Variants in CEP128 observed in about 807,000 individuals in gnomAD.
CEP128 encodes the protein centrosomal protein 128.
In CEP128, 132 loss-of-function variants were observed where a neutral mutation model predicts 156.7. That is an observed-to-expected ratio of 0.84 (90% CI 0.73 to 0.97). The LOEUF (loss-of-function observed/expected upper bound fraction) is 0.97. Among genes scored for constraint, CEP128 ranks in the 50% least tolerant of loss-of-function variants. The pLI is 0.00. For synonymous variants in CEP128, 469 were observed against 448.9 expected (o/e 1.04, Z -0.57); for missense variants, 1,252 against 1,281.9 (o/e 0.98, Z 0.36).
intron 8 of CEP128, among the ~76,000 whole-genome samples, chr14:80,870,420 T>A (rs1887969391): frequency 6.6e-6 from 1 of 152,062 alleles, no homozygotes; most frequent in African/African-American, 2.4e-5. Context: ...ACTTAGTATT[T>A]ATCCCCAGAA....
chr14:80,639,228 A>C (rs1894312570), intron 19 of CEP128, among the ~76,000 whole-genome samples: 1 of 152,236 alleles, frequency 6.6e-6, no homozygotes, highest in African/African-American at 2.4e-5. Flanking sequence ...ATTATACAAA[A>C]ATAATTCAGA....
intron 19 of CEP128, among the ~76,000 whole-genome samples, chr14:80,716,847 C>CAGA (rs1255646139): frequency 6.6e-6 from 1 of 152,156 alleles, no homozygotes; most frequent in Non-Finnish European, 1.5e-5. Flanking sequence ...ATATTCTCAC[C>CAGA]AGAAGTGTAT....
intron 8 of CEP128, among the ~76,000 whole-genome samples, chr14:80,876,806 A>G (rs1888306537): frequency 6.6e-6 from 1 of 152,214 alleles, no homozygotes; most frequent in African/African-American, 2.4e-5. Flanking sequence ...CACACGCTCT[A>G]AAGGAAATTC....
At chr14:80,920,274 C>T (rs1884783650) in intron 2 of CEP128, among the ~76,000 whole-genome samples, 1 of 152,118 alleles carries the variant, frequency 6.6e-6, no homozygotes, top group Non-Finnish European at 1.5e-5. Context: ...CATCAGCCAA[C>T]ACCACTACAA....
intron 2 of CEP128, among the ~76,000 whole-genome samples, chr14:80,946,791 G>A (rs1433714451): frequency 6.6e-6 from 1 of 152,154 alleles, no homozygotes; most frequent in African/African-American, 2.4e-5. Context: ...AACAACAACA[G>A]CTGATATGGC....
At chr14:80,520,430 A>AAACT (rs1888686015) in intron 23 of CEP128, among the ~76,000 whole-genome samples, 1 of 94,880 alleles carries the variant, frequency 1.1e-5, no homozygotes, top group East Asian at 3.6e-4. Flanking sequence ...AAAAACAAAC[A>AAACT]AACAAACAAA....
intron 21 of CEP128, among the ~76,000 whole-genome samples, chr14:80,554,742 G>GT (rs1890357481): frequency 6.6e-6 from 1 of 151,274 alleles, no homozygotes; most frequent in Non-Finnish European, 1.5e-5. Flanking sequence ...ATTATGATTC[G>GT]TTGGTCAAAT....
intron 3 of CEP128, 54 bp downstream of exon 3, chr14:80,916,347 T>C (rs1884552737): frequency 7.0e-7 from 1 of 1,428,316 alleles, no homozygotes; most frequent in African/African-American, 1.4e-5. Context: ...ACTGAAACTA[T>C]TAAGCAGCTC....
intron 19 of CEP128, among the ~76,000 whole-genome samples, chr14:80,679,696 C>A (rs886065903): frequency 9.2e-5 from 14 of 152,038 alleles, no homozygotes; most frequent in Admixed American, 3.3e-4. Context: ...TGCCTTGTGA[C>A]TTTATTGGCC....
At chr14:80,638,571 C>T (rs767813317) in intron 19 of CEP128, among the ~76,000 whole-genome samples, 10 of 152,168 alleles carry the variant, frequency 6.6e-5, no homozygotes, top group Admixed American at 4.6e-4. Context: ...TACTTTCTTA[C>T]CGTACTGTAT....
chr14:80,544,682 T>A (rs1889907592), intron 21 of CEP128, among the ~76,000 whole-genome samples: 1 of 152,190 alleles, frequency 6.6e-6, no homozygotes, highest in Non-Finnish European at 1.5e-5. Context: ...GATTATTTAG[T>A]TCTTTGATTC....
chr14:80,491,990 A>G (rs186463887), downstream of CEP128, among the ~76,000 whole-genome samples: 21 of 152,324 alleles, frequency 1.4e-4, no homozygotes, highest in Admixed American at 8.5e-4. Flanking sequence ...GCAACAATGG[A>G]CAAACAAAAT....
At chr14:80,571,926 C>T (rs968909348) in intron 20 of CEP128, among the ~76,000 whole-genome samples, 4 of 152,146 alleles carry the variant, frequency 2.6e-5, no homozygotes, top group African/African-American at 9.7e-5. Flanking sequence ...TGAGTCTCAG[C>T]GACATTATCC....
intron 10 of CEP128, among the ~76,000 whole-genome samples, chr14:80,838,989 C>G (rs1002273391): frequency 3.9e-5 from 6 of 152,142 alleles, no homozygotes; most frequent in African/African-American, 1.4e-4. Context: ...ATCCCAGCTA[C>G]TCGGGAGGCT....
intron 16 of CEP128, among the ~76,000 whole-genome samples, chr14:80,770,959 CTT>C (rs1284870306): frequency 2.0e-5 from 3 of 152,136 alleles, no homozygotes; most frequent in African/African-American, 7.2e-5. Context: ...GACAATGTGA[CTT>C]TGCAAAGTAG....
intron 18 of CEP128, among the ~76,000 whole-genome samples, chr14:80,748,595 C>T (rs904613049): frequency 1.3e-5 from 2 of 152,140 alleles, no homozygotes; most frequent in Admixed American, 1.3e-4. Flanking sequence ...GATACTTCCT[C>T]ACATGTTATG....
rs574593183 is a variant in CEP128, at chr14:80,709,527, T to C, written c.2806+33548A>G. Among the ~76,000 whole-genome samples, 648 of 152,322 alleles carry C rather than the reference T, an allele frequency of 4.3e-3. 7 individuals are homozygous for C. Among genetic ancestry groups the C allele is most frequent in the African/African-American group, 0.015 (631 of 41,576 alleles). On this transcript the variant is annotated intron_variant, in intron 19 of 24. Transcript: ENST00000555265. ...TTTGCTGGATATTCTTGCCTTTTCA[T>C]TCTTCCAAATGAATTTTATAATCAA...
rs373364252 is a variant in CEP128, at chr14:80,772,881, T to C, written c.2376+5001A>G. 2.1e-4 allele frequency among the ~76,000 whole-genome samples: 32 copies of C among 152,342 alleles called. 5 individuals are homozygous for C. Among genetic ancestry groups the C allele is most frequent in the Admixed American group, 9.1e-4 (14 of 15,308 alleles). ...TACCGTGTAAACTCTGAGACAATGC[T>C]TGTTAAACAAAAGGTAATACGTAGA... On this transcript the variant is annotated intron_variant, in intron 16 of 24. Coordinates refer to ENST00000555265, the MANE Select transcript of CEP128 (RefSeq NM_152446.5).
chr14:80,950,101 T>C (rs1293403210), intron 2 of CEP128, among the ~76,000 whole-genome samples: 2 of 151,984 alleles, frequency 1.3e-5, no homozygotes, highest in African/African-American at 2.4e-5. Flanking sequence ...AAGAGGGAAA[T>C]TTGGACACAG....
Sources: gnomAD v4.1 joint callset for allele counts (sites outside exome capture counted in the v4.1 genomes callset) on GRCh38, gnomAD v4.1.1 for gene constraint, MANE v1.5 for transcripts, NCBI Gene and HGNC (gene_info 2026-07-23, HGNC 2026-07-21) for gene names.